PPDPFL: variants seen among roughly 807,000 people sequenced by gnomAD.
The protein encoded by PPDPFL is pancreatic progenitor cell differentiation and proliferation factor-like protein.
A neutral mutation model predicts 12.6 loss-of-function variants in PPDPFL; 12 were observed. That is an observed-to-expected ratio of 0.95 (90% CI 0.61 to 1.54). The LOEUF (loss-of-function observed/expected upper bound fraction) is 1.54, where lower values mean the gene tolerates loss of function less well. Ranked by LOEUF, PPDPFL falls within the 40% of genes most tolerant of loss-of-function variation. The pLI, the probability that PPDPFL is intolerant of heterozygous loss-of-function variation, is 0.00. For missense variants in PPDPFL, 114 were observed against 96.0 expected (o/e 1.19, Z -0.78); for synonymous variants, 24 against 32.7 (o/e 0.73, Z 0.91).
chr8:49,067,869 G>A (rs1268252494), upstream of PPDPFL, among the ~76,000 whole-genome samples: 1 of 152,102 alleles, frequency 6.6e-6, no homozygotes, highest in African/African-American at 2.4e-5. Flanking sequence ...GAATTAGACA[G>A]TCACTCTCTT....
At chr8:49,066,146 G>A (rs1343968974) in intron 1 of PPDPFL, among the ~76,000 whole-genome samples, 2 of 152,228 alleles carry the variant, frequency 1.3e-5, no homozygotes, top group African/African-American at 4.8e-5. Context: ...CATATTCCCT[G>A]TTGCAAGGGA....
chr8:49,061,495 GC>G (rs1355968882), intron 1 of PPDPFL, among the ~76,000 whole-genome samples: 3 of 152,140 alleles, frequency 2.0e-5, no homozygotes, highest in Non-Finnish European at 4.4e-5. Context: ...TTGTCCAAAT[GC>G]CCACAGATGG....
chr8:49,072,650 G>T (rs1254543070), intron 1 of PPDPFL, 137 bp from the exon 2 acceptor site: 3 of 480,814 alleles, frequency 6.2e-6, no homozygotes, highest in African/African-American at 2.0e-5. Context: ...TTGAACTTTT[G>T]TGTAAACATT....
chr8:49,071,585 G>A (rs1294387406), upstream of PPDPFL, among the ~76,000 whole-genome samples: 1 of 152,048 alleles, frequency 6.6e-6, no homozygotes, highest in African/African-American at 2.4e-5. Flanking sequence ...GAACCTGGGA[G>A]GCGGAGCTTG....
intron 1 of PPDPFL, among the ~76,000 whole-genome samples, chr8:49,060,688 G>C (rs971080609): frequency 6.6e-6 from 1 of 152,022 alleles, no homozygotes; most frequent in Non-Finnish European, 1.5e-5. Context: ...AAAAATGACT[G>C]TGTGAAATTT....
At chr8:49,059,254 G>A (rs1808158736) in intron 1 of PPDPFL, among the ~76,000 whole-genome samples, 1 of 152,064 alleles carries the variant, frequency 6.6e-6, no homozygotes, top group Admixed American at 6.6e-5. Context: ...GTGTGGGGTT[G>A]GGTGTGGAGG....
chr8:49,058,339 A>G (rs1319315333), intron 1 of PPDPFL, among the ~76,000 whole-genome samples: 1 of 152,154 alleles, frequency 6.6e-6, no homozygotes, highest in African/African-American at 2.4e-5. Context: ...TTGTTGTTCC[A>G]TTTCTGTGTT....
chr8:49,075,062 C>A, intron 4 of PPDPFL, 90 bp from the exon 5 acceptor site: 1 of 1,529,726 alleles, frequency 6.5e-7, no homozygotes, highest in Non-Finnish European at 8.8e-7. Context: ...GTTTTCTTGA[C>A]ACTCTTTATC....
In PPDPFL at chr8:49,055,975, T is replaced by A. The variant is rs1328596590; in HGVS notation, c.-45+1606T>A. ...CGCTCTCATGGAGAACTGCAATAACTTCCTAATTCTACTTGCTTGCACTTT... is the reference window on the plus strand; with the variant it reads ...CGCTCTCATGGAGAACTGCAATAACATCCTAATTCTACTTGCTTGCACTTT... On this transcript the variant is annotated intron_variant, in intron 1 of 4. Transcript: ENST00000517663. Among the ~76,000 whole-genome samples, 3 of 152,154 alleles carry A rather than the reference T, an allele frequency of 2.0e-5. No individual in the cohort carries two copies. The South Asian group carries it at 6.2e-4, about 31-fold the overall frequency.
chr8:49,074,781 T>C, intron 4 of PPDPFL: 3 of 1,432,316 alleles, frequency 2.1e-6, no homozygotes, highest in Non-Finnish European at 2.7e-6. Context: ...TGTGCAGTTG[T>C]TTTCAGACAT....
chr8:49,073,241 A>G (rs1808425261), intron 2 of PPDPFL, among the ~76,000 whole-genome samples: 1 of 152,240 alleles, frequency 6.6e-6, no homozygotes, highest in Non-Finnish European at 1.5e-5. Context: ...AAAAGATAGC[A>G]TGACTTTGCT....
In PPDPFL at chr8:49,075,445, T is replaced by C. The variant is rs2129247034; in HGVS notation, c.*272T>C. The C allele has an allele frequency of 6.2e-6, 4 of 640,496 alleles. No individual in the cohort carries two copies. The highest frequency in any genetic ancestry group is 1.1e-5 in the Non-Finnish European group (4 of 364,502). 39.7% of individuals were successfully genotyped at this position (640,496 alleles called of 1,614,324 possible). A position where few individuals can be genotyped will look rare whatever the true frequency, so the allele number is the denominator to read the frequency against. On this transcript the variant is annotated 3_prime_UTR_variant, in exon 5 of 5. Transcript: ENST00000522267. ...TTTTTCTCAACACAAAGACTATCGC[T>C]GGAAGTGGCACTTGCTACCTGGTGC...
Position 49,075,507 on chromosome 8 carries a change from T to A in PPDPFL, c.*334T>A. ...GTGTGCCTTTAGAAACAAGACACCC[T>A]TTTAAAGTAATATGTCTTCAAATGT... On this transcript the variant is annotated 3_prime_UTR_variant, in exon 5 of 5. Transcript: ENST00000522267. 1.8e-6 allele frequency: 1 copy of A among 560,972 alleles called. No homozygotes were observed. Among genetic ancestry groups the A allele is most frequent in the Non-Finnish European group, 3.2e-6 (1 of 314,696 alleles). 34.7% of individuals were successfully genotyped at this position (560,972 alleles called of 1,614,324 possible).
intron 1 of PPDPFL, among the ~76,000 whole-genome samples, chr8:49,062,181 G>T (rs4873093): frequency 0.52 from 79,572 of 152,038 alleles, 21,934 homozygotes; most frequent in East Asian, 0.84. Flanking sequence ...CAAACAGAAC[G>T]GGTTCCTGAT....
intron 1 of PPDPFL, among the ~76,000 whole-genome samples, chr8:49,060,669 T>G (rs1808186526): frequency 6.6e-6 from 1 of 152,010 alleles, no homozygotes; most frequent in Admixed American, 6.6e-5. Context: ...AGTTAAAGGA[T>G]CAGCGGAAAA....
chr8:49,060,670 C>G (rs1404538270), intron 1 of PPDPFL, among the ~76,000 whole-genome samples: 1 of 151,878 alleles, frequency 6.6e-6, no homozygotes, highest in Non-Finnish European at 1.5e-5. Flanking sequence ...GTTAAAGGAT[C>G]AGCGGAAAAA....
chr8:49,062,301 A>G (rs994965117), intron 1 of PPDPFL, among the ~76,000 whole-genome samples: 2 of 152,190 alleles, frequency 1.3e-5, no homozygotes, highest in African/African-American at 4.8e-5. Context: ...GCACCATGTG[A>G]AACCGATATG....
At chr8:49,060,016 T>C (rs1167299419) in intron 1 of PPDPFL, among the ~76,000 whole-genome samples, 1 of 152,208 alleles carries the variant, frequency 6.6e-6, no homozygotes, top group Non-Finnish European at 1.5e-5. Context: ...TTTAGCAGGG[T>C]TTATTTCCAT....
intron 4 of PPDPFL, chr8:49,074,919 T>C (rs1225093673): frequency 2.9e-6 from 4 of 1,383,326 alleles, no homozygotes; most frequent in African/African-American, 2.9e-5. Flanking sequence ...AAGGGATTCA[T>C]AGATGCCAAT....
Sources: gnomAD v4.1 joint callset for allele counts (sites outside exome capture counted in the v4.1 genomes callset) on GRCh38, gnomAD v4.1.1 for gene constraint, MANE v1.5 for transcripts, NCBI Gene and HGNC (gene_info 2026-07-23, HGNC 2026-07-21) for gene names.